Variants in PRELID2 observed in about 807,000 individuals in gnomAD.
PRELID2 encodes PRELI domain containing 2, also known as PRELI domain-containing protein 2.
Under a neutral mutation model 28.4 loss-of-function variants are expected in PRELID2, and 25 were observed. The ratio of observed to expected loss-of-function variants is 0.88; its 90% CI spans 0.64 to 1.23. The LOEUF (loss-of-function observed/expected upper bound fraction) is 1.23, where lower values mean the gene tolerates loss of function less well. Among genes scored for constraint, PRELID2 ranks in the 50% most tolerant of loss-of-function variants. The probability of loss-of-function intolerance (pLI) is 0.00; values close to 1 mark genes in which losing one functional copy is unlikely to be tolerated. For synonymous variants in PRELID2, 76 were observed against 71.6 expected (o/e 1.06, Z -0.31); for missense variants, 201 against 214.4 (o/e 0.94, Z 0.39).
At chr5:145,740,636 T>TA (rs541312243) in intron 1 of PRELID2, among the ~76,000 whole-genome samples, 2 of 92,750 alleles carry the variant, frequency 2.2e-5, no homozygotes, top group East Asian at 3.2e-4. Context: ...ATTATATATA[T>TA]AAATATATAT....
At chr5:145,466,304 ATAAT>A in the PRELID2 span, among the ~76,000 whole-genome samples, 1 of 152,178 alleles carries the variant, frequency 6.6e-6, no homozygotes, top group African/African-American at 2.4e-5. Flanking sequence ...ACAAATGATA[ATAAT>A]TAATACCATT....
intron 1 of PRELID2, among the ~76,000 whole-genome samples, chr5:145,832,976 GA>G (rs1375228337): frequency 2.0e-5 from 3 of 150,988 alleles, no homozygotes; most frequent in Non-Finnish European, 3.0e-5. Context: ...TCATCAATTT[GA>G]ATTTTGTGTT....
At chr5:145,320,920 T>C in the PRELID2 span, among the ~76,000 whole-genome samples, 5 of 152,254 alleles carry the variant, frequency 3.3e-5, no homozygotes, top group African/African-American at 9.6e-5. Context: ...GAGCATTTTC[T>C]ATATGCTCAG....
chr5:145,548,607 C>T (rs1052838657), intron 1 of PRELID2, among the ~76,000 whole-genome samples: 3 of 152,114 alleles, frequency 2.0e-5, no homozygotes, highest in African/African-American at 7.2e-5. Context: ...TTCTGTTGAG[C>T]CCACTTCTAA....
chr5:145,698,787 T>C (rs1486013979), intron 1 of PRELID2, among the ~76,000 whole-genome samples: 1 of 152,204 alleles, frequency 6.6e-6, no homozygotes, highest in African/African-American at 2.4e-5. Flanking sequence ...AGTTCAATGG[T>C]GTGATCTCAG....
chr5:145,316,268 A>G, the PRELID2 span, among the ~76,000 whole-genome samples: 2 of 152,244 alleles, frequency 1.3e-5, no homozygotes, highest in African/African-American at 2.4e-5. Context: ...ACAGTTAATC[A>G]TGCAGAGCAC....
intron 1 of PRELID2, among the ~76,000 whole-genome samples, chr5:145,532,729 G>A (rs1428283878): frequency 6.6e-6 from 1 of 151,966 alleles, no homozygotes; most frequent in African/African-American, 2.4e-5. Flanking sequence ...GTCTTTCTGT[G>A]CCTGGCTCAT....
At chr5:145,443,740 T>C in the PRELID2 span, among the ~76,000 whole-genome samples, 3 of 152,076 alleles carry the variant, frequency 2.0e-5, no homozygotes, top group Non-Finnish European at 4.4e-5. Flanking sequence ...CACAGCTTTA[T>C]CTTTACAGGC....
intron 4 of PRELID2, among the ~76,000 whole-genome samples, chr5:145,798,761 A>T (rs965387160): frequency 1.3e-5 from 2 of 152,148 alleles, no homozygotes; most frequent in Admixed American, 1.3e-4. Flanking sequence ...TTCTCAGCAA[A>T]CTATCATAAA....
intron 1 of PRELID2, among the ~76,000 whole-genome samples, chr5:145,511,897 T>A (rs759479125): frequency 2.6e-5 from 4 of 152,194 alleles, no homozygotes; most frequent in Non-Finnish European, 5.9e-5. Context: ...AGAGAGATTA[T>A]GCTAGCTTGG....
intron 1 of PRELID2, among the ~76,000 whole-genome samples, chr5:145,622,471 T>C (rs1320036944): frequency 1.3e-5 from 2 of 152,102 alleles, no homozygotes; most frequent in African/African-American, 4.8e-5. Flanking sequence ...AAATCTGAGA[T>C]ACAATGATTA....
chr5:145,770,851 T>C (rs1045105179), intron 5 of PRELID2, among the ~76,000 whole-genome samples: 11 of 152,238 alleles, frequency 7.2e-5, no homozygotes, highest in Non-Finnish European at 1.6e-4. Context: ...CTAACGGTTA[T>C]AACAAAATAG....
chr5:145,580,528 G>A (rs952228089), intron 1 of PRELID2, among the ~76,000 whole-genome samples: 8 of 152,004 alleles, frequency 5.3e-5, no homozygotes, highest in Non-Finnish European at 1.0e-4. Flanking sequence ...ACTACCCTTT[G>A]TCTAGTGCTG....
chr5:145,356,877 G>T, the PRELID2 span, among the ~76,000 whole-genome samples: 32 of 152,232 alleles, frequency 2.1e-4, no homozygotes, highest in Admixed American at 1.1e-3. Context: ...GGCTGGTAAT[G>T]GTCTTTTCTT....
chr5:145,719,004 A>C (rs984348159), intron 1 of PRELID2, among the ~76,000 whole-genome samples: 2 of 152,060 alleles, frequency 1.3e-5, no homozygotes, highest in African/African-American at 4.8e-5. Flanking sequence ...TCAAATGTAA[A>C]GAGTTCTGCT....
chr5:145,412,417 A>G, the PRELID2 span, among the ~76,000 whole-genome samples: 1 of 152,152 alleles, frequency 6.6e-6, no homozygotes, highest in Non-Finnish European at 1.5e-5. Context: ...AATAGCCTTT[A>G]TTCCAGTTCC....
At chr5:145,260,738 G>A in the PRELID2 span, among the ~76,000 whole-genome samples, 1 of 152,206 alleles carries the variant, frequency 6.6e-6, no homozygotes, top group Non-Finnish European at 1.5e-5. Context: ...GGACAAAGCA[G>A]CATGTGGAAC....
intron 1 of PRELID2, among the ~76,000 whole-genome samples, chr5:145,596,785 T>C (rs1024120054): frequency 2.0e-5 from 3 of 152,142 alleles, no homozygotes; most frequent in Admixed American, 6.6e-5. Flanking sequence ...TCAAAGAAAA[T>C]ATATAGTATA....
At chr5:145,767,873 C>T (rs1368988810) in intron 5 of PRELID2, among the ~76,000 whole-genome samples, 1 of 152,114 alleles carries the variant, frequency 6.6e-6, no homozygotes, top group African/African-American at 2.4e-5. Context: ...AACAGGTTAT[C>T]CTTAATCATT....
Sources: gnomAD v4.1 joint callset for allele counts (sites outside exome capture counted in the v4.1 genomes callset) on GRCh38, gnomAD v4.1.1 for gene constraint, MANE v1.5 for transcripts, NCBI Gene and HGNC (gene_info 2026-07-23, HGNC 2026-07-21) for gene names.